The following APBB2 variants were observed in gnomAD, a reference collection of about 807,000 sequenced individuals.
The protein encoded by APBB2 is Fe65-like 1.
In APBB2, 38 loss-of-function variants were observed where a neutral mutation model predicts 82.5. That is an observed-to-expected ratio of 0.46 (90% CI 0.36 to 0.60). APBB2 has a LOEUF of 0.60. APBB2 is among the 20% of genes least tolerant of loss of function. The pLI, the probability that APBB2 is intolerant of heterozygous loss-of-function variation, is 0.00. For synonymous variants in APBB2, 341 were observed against 368.2 expected (o/e 0.93, Z 0.85); for missense variants, 772 against 972.3 (o/e 0.79, Z 2.74).
intron 10 of APBB2, among the ~76,000 whole-genome samples, chr4:40,924,926 G>A (rs1782224483): frequency 6.6e-6 from 1 of 152,192 alleles, no homozygotes; most frequent in Admixed American, 6.5e-5. Flanking sequence ...TGCTGAAAAT[G>A]AACACAAATT....
chr4:41,111,951 G>GA (rs1332772076), intron 2 of APBB2, among the ~76,000 whole-genome samples: 1 of 152,166 alleles, frequency 6.6e-6, no homozygotes, highest in Non-Finnish European at 1.5e-5. Context: ...AGGGCAGATA[G>GA]AAAAAAACCA....
intron 2 of APBB2, among the ~76,000 whole-genome samples, chr4:41,132,061 T>TAAATAAATAAAC: frequency 6.6e-6 from 1 of 151,066 alleles, no homozygotes; most frequent in Non-Finnish European, 1.5e-5. Flanking sequence ...AATAAATAAA[T>TAAATAAATAAAC]AAATAAAAAG....
chr4:40,852,669 G>C (rs1261701210), intron 12 of APBB2, among the ~76,000 whole-genome samples: 1 of 151,242 alleles, frequency 6.6e-6, no homozygotes, highest in East Asian at 1.9e-4. Context: ...GAGACAGTGT[G>C]TTTCTCTGTC....
At chr4:41,179,124 T>C (rs532006552) in intron 1 of APBB2, among the ~76,000 whole-genome samples, 1 of 152,240 alleles carries the variant, frequency 6.6e-6, no homozygotes, top group Non-Finnish European at 1.5e-5. Context: ...AGACATGTAT[T>C]TGTTCTTTCA....
intron 12 of APBB2, chr4:40,848,824 C>G (rs1758441533): frequency 1.0e-6 from 1 of 983,334 alleles, no homozygotes; most frequent in Non-Finnish European, 1.2e-6. Flanking sequence ...CTGCTTTTCC[C>G]CCAGGTCCTC....
chr4:40,854,637 A>C (rs1220092006), intron 12 of APBB2, among the ~76,000 whole-genome samples: 2 of 152,076 alleles, frequency 1.3e-5, no homozygotes, highest in African/African-American at 4.8e-5. Flanking sequence ...AAATACAAAA[A>C]AATTAGCCAT....
At chr4:41,195,393 A>C in intron 1 of APBB2, among the ~76,000 whole-genome samples, 2 of 152,170 alleles carry the variant, frequency 1.3e-5, no homozygotes, top group Non-Finnish European at 2.9e-5. Context: ...CATTCAGTCC[A>C]TCAACAAACC....
chr4:40,894,044 T>C (rs1336488585), intron 10 of APBB2, among the ~76,000 whole-genome samples: 1 of 151,522 alleles, frequency 6.6e-6, no homozygotes, highest in African/African-American at 2.4e-5. Flanking sequence ...ATCCCAGCAC[T>C]TTGGGAGGCC....
intron 6 of APBB2, among the ~76,000 whole-genome samples, chr4:41,001,852 T>C (rs963799004): frequency 5.3e-5 from 8 of 149,606 alleles, no homozygotes; most frequent in African/African-American, 1.7e-4. Context: ...CACTCCAGCC[T>C]GGGTGACAGA....
At chr4:40,966,780 G>A (rs1794765295) in intron 6 of APBB2, among the ~76,000 whole-genome samples, 1 of 152,174 alleles carries the variant, frequency 6.6e-6, no homozygotes, top group South Asian at 2.1e-4. Flanking sequence ...CTCGGCACAG[G>A]TCTGCAGGCA....
intron 4 of APBB2, among the ~76,000 whole-genome samples, chr4:41,059,074 C>G (rs1728824168): frequency 6.6e-6 from 1 of 151,368 alleles, no homozygotes; most frequent in African/African-American, 2.4e-5. Context: ...CATATCTCAC[C>G]AACAAGAAAT....
intron 7 of APBB2, among the ~76,000 whole-genome samples, chr4:40,942,343 T>C (rs565795549): frequency 1.3e-5 from 2 of 152,106 alleles, no homozygotes; most frequent in African/African-American, 2.4e-5. Context: ...TCAATACAAA[T>C]GGTACAGTGA....
At chr4:40,961,667 T>TAAAAAAAAAAAAAAAAAAAA (rs60942744) in intron 6 of APBB2, among the ~76,000 whole-genome samples, 6 of 68,246 alleles carry the variant, frequency 8.8e-5, no homozygotes, top group African/African-American at 1.2e-4. Context: ...AAAAAAGATG[T>TAAAAAAAAAAAAAAAAAAAA]AAAAAAAAAA....
chr4:41,081,950 CA>C (rs1432996181), intron 3 of APBB2, among the ~76,000 whole-genome samples: 1 of 152,168 alleles, frequency 6.6e-6, no homozygotes, highest in Non-Finnish European at 1.5e-5. Flanking sequence ...ACACCTACTA[CA>C]AATACAGCAG....
intron 12 of APBB2, among the ~76,000 whole-genome samples, chr4:40,863,891 CAAAAAAAAA>C (rs60135616): frequency 3.0e-5 from 1 of 33,000 alleles, no homozygotes; most frequent in Non-Finnish European, 5.5e-5. Context: ...GAGACTGTCT[CAAAAAAAAA>C]AAAAAAAAAA....
chr4:41,205,648 G>T (rs545951361), intron 1 of APBB2, among the ~76,000 whole-genome samples: 30 of 152,266 alleles, frequency 2.0e-4, no homozygotes, highest in African/African-American at 5.8e-4. Context: ...AAGCTCAACT[G>T]CCCTGGATAC....
At chr4:41,050,114 T>TA (rs976670142) in intron 4 of APBB2, among the ~76,000 whole-genome samples, 34 of 146,920 alleles carry the variant, frequency 2.3e-4, no homozygotes, top group South Asian at 2.1e-4. Context: ...GAATGATCAA[T>TA]AAAAAAAAAT....
At chr4:41,170,778 T>C (rs1768025519) in intron 1 of APBB2, among the ~76,000 whole-genome samples, 1 of 152,202 alleles carries the variant, frequency 6.6e-6, no homozygotes. Flanking sequence ...GTACAATGAT[T>C]ATATAAGATA....
rs541034404 is a variant in APBB2, at chr4:40,992,416, T to C, written c.835+21167A>G. ...TGGTCTCAAACTCCTAGCCTCAAAC[T>C]ATCCTCCCACCTCAGCCTCCCAAAG... is the stretch of plus-strand genomic sequence containing the variant. On this transcript the variant is annotated intron_variant, in intron 6 of 17. Transcript: ENST00000508593. 2.6e-5 allele frequency among the ~76,000 whole-genome samples: 4 copies of C among 151,282 alleles called. No homozygotes were observed. In the South Asian group the frequency reaches 6.3e-4, roughly 24 times the overall value.
Sources: gnomAD v4.1 joint callset for allele counts (sites outside exome capture counted in the v4.1 genomes callset) on GRCh38, gnomAD v4.1.1 for gene constraint, MANE v1.5 for transcripts, NCBI Gene and HGNC (gene_info 2026-07-23, HGNC 2026-07-21) for gene names.